The following SNX29 variants were observed in gnomAD, a reference collection of about 807,000 sequenced individuals.
SNX29 encodes the protein sorting nexin-29.
A neutral mutation model predicts 102.1 loss-of-function variants in SNX29; 78 were observed. The observed-to-expected ratio is 0.76, with a 90% confidence interval of 0.64 to 0.92. The LOEUF (loss-of-function observed/expected upper bound fraction) is 0.92, where lower values mean the gene tolerates loss of function less well. Ranked by LOEUF, SNX29 falls within the 40% of genes least tolerant of loss-of-function variation. The pLI, the probability that SNX29 is intolerant of heterozygous loss-of-function variation, is 0.00. For missense variants in SNX29, 1,280 were observed against 1,061.7 expected (o/e 1.21, Z -2.86); for synonymous variants, 580 against 414.5 (o/e 1.40, Z -4.85).
intron 13 of SNX29, among the ~76,000 whole-genome samples, chr16:12,182,779 A>C (rs2076417793): frequency 6.6e-6 from 1 of 151,828 alleles, no homozygotes; most frequent in Non-Finnish European, 1.5e-5. Context: ...GAAATGCAAA[A>C]AAAAATTAGC....
intron 19 of SNX29, among the ~76,000 whole-genome samples, chr16:12,518,651 C>A (rs982883532): frequency 3.3e-5 from 5 of 152,198 alleles, no homozygotes; most frequent in African/African-American, 7.2e-5. Flanking sequence ...GTCCCTACCC[C>A]CTCCTGCACA....
intron 19 of SNX29, among the ~76,000 whole-genome samples, chr16:12,513,389 C>A (rs540854726): frequency 9.9e-5 from 15 of 151,860 alleles, no homozygotes; most frequent in African/African-American, 3.6e-4. Context: ...CCCTGCTCTC[C>A]CTTCCCCTCC....
chr16:11,977,073 C>A (rs1003472882), intron 1 of SNX29: 13 of 387,158 alleles, frequency 3.4e-5, no homozygotes, highest in African/African-American at 2.5e-4. Flanking sequence ...AAACCCCTGT[C>A]CCCAGTTGTT....
chr16:12,361,193 A>G (rs1389023225), intron 16 of SNX29, among the ~76,000 whole-genome samples: 2 of 152,142 alleles, frequency 1.3e-5, no homozygotes, highest in African/African-American at 4.8e-5. Flanking sequence ...TAGGTCTTGA[A>G]GGTGGGCCAG....
At chr16:12,266,022 A>C (rs566298550) in intron 14 of SNX29, among the ~76,000 whole-genome samples, 3 of 152,324 alleles carry the variant, frequency 2.0e-5, no homozygotes, top group African/African-American at 7.2e-5. Context: ...GGTTCAGAGA[A>C]AGGAAGTAAT....
chr16:12,524,442 A>C (rs1447941562), intron 19 of SNX29, among the ~76,000 whole-genome samples: 2 of 151,588 alleles, frequency 1.3e-5, no homozygotes, highest in African/African-American at 4.9e-5. Context: ...CCCATAAATA[A>C]CTGTCCCATT....
intron 19 of SNX29, among the ~76,000 whole-genome samples, chr16:12,480,675 G>A (rs1218610558): frequency 6.6e-6 from 1 of 152,088 alleles, no homozygotes; most frequent in Non-Finnish European, 1.5e-5. Context: ...CCCACCTCCT[G>A]CCTCCTCAAG....
At chr16:12,378,679 T>G (rs915051965) in intron 16 of SNX29, among the ~76,000 whole-genome samples, 3 of 152,132 alleles carry the variant, frequency 2.0e-5, no homozygotes, top group Admixed American at 1.3e-4. Flanking sequence ...AACATGAGGT[T>G]TGGAGGGAGC....
At position 12,554,085 on chromosome 16, in the gene SNX29, C is replaced by G. The variant is rs75347131; in HGVS notation, c.2319-14421C>G. Among the ~76,000 whole-genome samples, 1,056 of 152,284 alleles carry G rather than the reference C, an allele frequency of 6.9e-3. 29 individuals carry two copies. Among genetic ancestry groups the G allele is most frequent in the Admixed American group, 0.047 (713 of 15,300 alleles). ...AAATGATCCTCTCACCTTGGCCTCC[C>G]AAAAGCACTTGGGATTACAGGTCTA... On this transcript the variant is annotated intron_variant, in intron 20 of 20. Transcript: ENST00000566228.
chr16:12,229,131 A>T (rs753266379), intron 14 of SNX29, among the ~76,000 whole-genome samples: 17 of 152,156 alleles, frequency 1.1e-4, no homozygotes, highest in Non-Finnish European at 1.9e-4. Flanking sequence ...TGTTTTATGG[A>T]GCACTTGTGA....
chr16:12,186,232 A>T (rs773095283), intron 13 of SNX29, among the ~76,000 whole-genome samples: 41 of 152,186 alleles, frequency 2.7e-4, no homozygotes, highest in Non-Finnish European at 5.1e-4. Flanking sequence ...TTCTTTTTTT[A>T]AAAAATCTTT....
chr16:12,255,087 GA>G (rs1232968780), intron 14 of SNX29, among the ~76,000 whole-genome samples: 2 of 152,178 alleles, frequency 1.3e-5, no homozygotes, highest in African/African-American at 2.4e-5. Context: ...TGTACGTTGT[GA>G]AATGATTAAA....
At chr16:12,217,506 G>C (rs987395611) in intron 14 of SNX29, among the ~76,000 whole-genome samples, 20 of 152,296 alleles carry the variant, frequency 1.3e-4, no homozygotes, top group African/African-American at 4.8e-4. Flanking sequence ...AACACCTGTA[G>C]ACAGGTAGTA....
intron 19 of SNX29, among the ~76,000 whole-genome samples, chr16:12,513,456 T>A (rs1462432191): frequency 6.6e-6 from 1 of 151,982 alleles, no homozygotes; most frequent in African/African-American, 2.4e-5. Context: ...TGCCTTCCTC[T>A]GCTCTCTCCT....
chr16:12,041,601 C>G (rs1357124276), intron 4 of SNX29, among the ~76,000 whole-genome samples: 3 of 152,232 alleles, frequency 2.0e-5, no homozygotes, highest in African/African-American at 7.2e-5. Context: ...TCTGGCCCTT[C>G]CAGAGTCTGC....
At chr16:12,106,692 G>T (rs764071437) in intron 11 of SNX29, among the ~76,000 whole-genome samples, 2 of 151,428 alleles carry the variant, frequency 1.3e-5, no homozygotes, top group Non-Finnish European at 2.9e-5. Context: ...TGTTGCCTAG[G>T]CTTATCTATG....
At chr16:12,153,440 G>A (rs1271404074) in intron 13 of SNX29, among the ~76,000 whole-genome samples, 1 of 149,456 alleles carries the variant, frequency 6.7e-6, no homozygotes, top group Non-Finnish European at 1.5e-5. Context: ...TTTCTCTCAC[G>A]CTCCCTCTGA....
intron 20 of SNX29, among the ~76,000 whole-genome samples, chr16:12,560,056 G>C (rs940753648): frequency 6.6e-6 from 1 of 151,936 alleles, no homozygotes; most frequent in Admixed American, 6.6e-5. Context: ...AAAATGACTA[G>C]AAAACTATGT....
At chr16:12,094,771 A>G (rs984805979) in intron 11 of SNX29, among the ~76,000 whole-genome samples, 1 of 152,110 alleles carries the variant, frequency 6.6e-6, no homozygotes, top group Non-Finnish European at 1.5e-5. Context: ...CCAACACAGC[A>G]TTATCTAGTC....
Sources: allele counts gnomAD v4.1 joint callset (sites outside exome capture counted in the v4.1 genomes callset), GRCh38; gene constraint gnomAD v4.1.1; transcripts MANE v1.5; gene names NCBI Gene and HGNC (gene_info 2026-07-23, HGNC 2026-07-21).